Variants in LOXL2 observed in about 807,000 individuals in gnomAD.
LOXL2 encodes the protein lysyl oxidase like 2.
In LOXL2, 70 loss-of-function variants were observed where a neutral mutation model predicts 93.0. That is an observed-to-expected ratio of 0.75 (90% CI 0.62 to 0.92). LOXL2 has a LOEUF of 0.92. LOXL2 is among the 40% of genes least tolerant of loss of function. LOXL2 has a pLI of 0.00. For missense variants in LOXL2, 973 were observed against 1,054.9 expected, an observed-to-expected ratio of 0.92 and a Z score of 1.08; for synonymous variants, 438 against 413.2, an observed-to-expected ratio of 1.06 and a Z score of -0.73.
chr8:23,329,990 A>T (rs570630597), intron 5 of LOXL2, among the ~76,000 whole-genome samples: 5 of 152,210 alleles, frequency 3.3e-5, no homozygotes, highest in African/African-American at 1.2e-4. Flanking sequence ...AAAGGGGAAA[A>T]CAGCCAGTGA....
At chr8:23,320,073 C>A in intron 7 of LOXL2, 21 bp from the exon 8 acceptor site, 1 of 1,612,492 alleles carries the variant, frequency 6.2e-7, no homozygotes, top group Non-Finnish European at 8.5e-7. Flanking sequence ...AAAGGCAGGC[C>A]ACGGTCACCA....
chr8:23,396,544 C>A (rs549395897), intron 1 of LOXL2, among the ~76,000 whole-genome samples: 53 of 152,248 alleles, frequency 3.5e-4, no homozygotes, highest in Non-Finnish European at 6.2e-4. Flanking sequence ...AGTGGTGATA[C>A]CCTAACACAG....
At chr8:23,346,375 A>T (rs1030259736) in intron 3 of LOXL2, among the ~76,000 whole-genome samples, 2 of 151,932 alleles carry the variant, frequency 1.3e-5, no homozygotes, top group African/African-American at 2.4e-5. Flanking sequence ...AAACTCCAGG[A>T]TGTGTGGTCC....
chr8:23,371,949 C>G (rs1804503132), intron 1 of LOXL2, among the ~76,000 whole-genome samples: 1 of 151,430 alleles, frequency 6.6e-6, no homozygotes, highest in Non-Finnish European at 1.5e-5. Flanking sequence ...TTGTAAGAAC[C>G]ATATACTGAA....
rs144594422 is a variant in LOXL2, at chr8:23,400,947, T to A, written c.-84+3007A>T. ...GCACCAAATGTCCAATTACTAATAT[T>A]TACACAGGGATTTCTGACAGCAGGT... On this transcript the variant is annotated intron_variant, in intron 1 of 13. Coordinates refer to ENST00000389131, the MANE Select transcript of LOXL2 (RefSeq NM_002318.3). Among the ~76,000 whole-genome samples, 94 of 152,272 alleles carry A rather than the reference T, an allele frequency of 6.2e-4. No individual in the cohort carries two copies. In the Middle Eastern group the frequency reaches 0.014, roughly 22 times the overall value.
At chr8:23,368,486 T>A in intron 1 of LOXL2, 52 bp from the exon 2 acceptor site, 1 of 710,192 alleles carries the variant, frequency 1.4e-6, no homozygotes, top group Non-Finnish European at 2.4e-6. Context: ...TACGGAGACC[T>A]ACATAGAGAA....
chr8:23,328,618 G>A, intron 5 of LOXL2, 53 bp from the exon 6 acceptor site: 2 of 1,549,670 alleles, frequency 1.3e-6, no homozygotes, highest in Non-Finnish European at 8.9e-7. Context: ...CGTTCAGCGG[G>A]TGACCACTGT....
rs148428158 is a variant in LOXL2, at chr8:23,309,788, G to T, written c.1760C>A (p.Thr587Asn). Residue 587 changes from threonine to asparagine, a missense_variant, in exon 10 of 14, where the codon ACC becomes AAC. By Grantham distance (65) the Thr-to-Asn change is moderately conservative. Coordinates refer to ENST00000389131, the MANE Select transcript of LOXL2 (RefSeq NM_002318.3). Reference protein sequence around the residue: ...ENCLSASAAQTDPTTGYRRLL... With the variant: ...ENCLSASAAQNDPTTGYRRLL... Reference sequence around the variant, plus strand: ...CCGGCGGTAGCCCGTGGTGGGGTCGGTCTGCGCGGCTGAGGCCGAGAGGCA... The same window carrying T: ...CCGGCGGTAGCCCGTGGTGGGGTCGTTCTGCGCGGCTGAGGCCGAGAGGCA... 84 of 1,603,942 alleles carry T rather than the reference G, an allele frequency of 5.2e-5. No individual in the cohort carries two copies. Among genetic ancestry groups the T allele is most frequent in the Non-Finnish European group, 7.1e-5 (84 of 1,175,568 alleles).
rs909209514 is a variant in LOXL2 at position 23,371,576 on chromosome 8, C to CT, written c.-83-3143_-83-3142insA. ...GCCCATCCCGGCTAACACGGTGAAA[C>CT]CCCGTCTCTACTAAAAATACAAAAA... On this transcript the variant is annotated intron_variant, in intron 1 of 13. Transcript: ENST00000389131. Among the ~76,000 whole-genome samples the CT allele has an allele frequency of 3.3e-5, 5 of 151,576 alleles. No individual in the cohort carries two copies. The South Asian group carries it at 6.3e-4, about 19-fold the overall frequency.
At chr8:23,382,112 C>G (rs541052210) in intron 1 of LOXL2, among the ~76,000 whole-genome samples, 21 of 152,204 alleles carry the variant, frequency 1.4e-4, no homozygotes, top group Non-Finnish European at 2.8e-4. Context: ...GGCAGAAGTT[C>G]TGAAATTATA....
chr8:23,341,267 C>CA, intron 3 of LOXL2, 64 bp from the exon 4 acceptor site: 1 of 1,321,268 alleles, frequency 7.6e-7, no homozygotes, highest in Non-Finnish European at 1.1e-6. Flanking sequence ...AGACACCAGG[C>CA]AACCAGTACT....
chr8:23,301,527 C>T (rs545791890), intron 12 of LOXL2, among the ~76,000 whole-genome samples: 2 of 152,318 alleles, frequency 1.3e-5, no homozygotes, highest in South Asian at 2.1e-4. Flanking sequence ...GCCCCTTCTG[C>T]AGATCCTCCT....
At chr8:23,361,479 A>T (rs544650771) in intron 2 of LOXL2, among the ~76,000 whole-genome samples, 1 of 152,260 alleles carries the variant, frequency 6.6e-6, no homozygotes, top group Non-Finnish European at 1.5e-5. Context: ...TAGAGAATTC[A>T]GCGTGCAAAG....
chr8:23,344,036 C>T (rs1469539041), intron 3 of LOXL2, among the ~76,000 whole-genome samples: 1 of 152,222 alleles, frequency 6.6e-6, no homozygotes, highest in Non-Finnish European at 1.5e-5. Context: ...AGGCTCGCTG[C>T]AGGGAAGGTG....
At position 23,322,276 on chromosome 8, in the gene LOXL2, C is replaced by G. The variant is rs201086267; in HGVS notation, c.1156G>C (p.Gly386Arg). Residue 386 changes from glycine (G) to arginine (R), a missense_variant, in exon 7 of 14, where the codon GGA becomes CGA. Transcript: ENST00000389131. The stretch of plus-strand genomic sequence containing the variant: ...TGGATCTCGTTGAGGTGGATGGGTC[C>G]GATCCCTGCAAGGGGAGAATAAACA... ...VTGSRLGQGI[G>R]PIHLNEIQCT... 2 of 1,613,786 alleles carry G rather than the reference C, an allele frequency of 1.2e-6. No individual in the cohort carries two copies. The highest frequency in any genetic ancestry group is 2.2e-5 in the South Asian group (2 of 91,060).
intron 8 of LOXL2, among the ~76,000 whole-genome samples, chr8:23,319,596 G>A (rs3802238): frequency 0.69 from 105,432 of 151,918 alleles, 37,166 homozygotes; most frequent in Non-Finnish European, 0.76. Flanking sequence ...TTGAGCCCAG[G>A]GTGAACCCCA....
intron 1 of LOXL2, among the ~76,000 whole-genome samples, chr8:23,395,056 C>A (rs1270681930): frequency 2.0e-5 from 3 of 152,126 alleles, no homozygotes; most frequent in Non-Finnish European, 4.4e-5. Context: ...GAGATCGAGA[C>A]CATCCTGGCC....
At chr8:23,348,828 G>C (rs1804038999) in intron 3 of LOXL2, among the ~76,000 whole-genome samples, 2 of 152,084 alleles carry the variant, frequency 1.3e-5, no homozygotes, top group African/African-American at 4.8e-5. Flanking sequence ...AGTGAGCTGA[G>C]ATCACGACAC....
At chr8:23,299,041 G>A in intron 12 of LOXL2, 94 bp from the exon 13 acceptor site, 1 of 760,252 alleles carries the variant, frequency 1.3e-6, no homozygotes, top group Non-Finnish European at 2.3e-6. Context: ...CTCAGGGAAG[G>A]GGAGCGTGGC....
Sources: allele counts gnomAD v4.1 joint callset (sites outside exome capture counted in the v4.1 genomes callset), GRCh38; gene constraint gnomAD v4.1.1; transcripts MANE v1.5; gene names NCBI Gene and HGNC (gene_info 2026-07-23, HGNC 2026-07-21).